MTR: variants seen among roughly 807,000 people sequenced by gnomAD.
MTR encodes the protein methionine synthase.
In MTR, 84 loss-of-function variants were observed where a neutral mutation model predicts 154.8. The ratio of observed to expected loss-of-function variants is 0.54; its 90% CI spans 0.45 to 0.65. The LOEUF is 0.65. Ranked by LOEUF, MTR falls within the 30% of genes least tolerant of loss-of-function variation. MTR has a pLI of 0.00. For synonymous variants in MTR, 554 were observed against 553.9 expected (o/e 1.00, Z 0.00); for missense variants, 1,275 against 1,570.2 (o/e 0.81, Z 3.18).
At chr1:236,891,001 A>G (rs1376694668) in intron 28 of MTR, 132 bp from the exon 29 acceptor site, 1 of 1,076,916 alleles carries the variant, frequency 9.3e-7, no homozygotes, top group Non-Finnish European at 1.4e-6. Context: ...AAACACCAGA[A>G]AGCATTTGAG....
At chr1:236,879,835 G>C (rs1311120417) in intron 24 of MTR, among the ~76,000 whole-genome samples, 2 of 152,056 alleles carry the variant, frequency 1.3e-5, no homozygotes, top group African/African-American at 4.8e-5. Context: ...TAGGGATGTG[G>C]GGCTGAACCA....
intron 14 of MTR, among the ~76,000 whole-genome samples, chr1:236,836,224 CTTGT>C (rs1413284167): frequency 1.3e-5 from 2 of 151,694 alleles, no homozygotes; most frequent in African/African-American, 4.8e-5. Flanking sequence ...AAAATCTTAC[CTTGT>C]TTTTCTGCCG....
At position 236,902,070 on chromosome 1, in the gene MTR, A is replaced by T. The variant is rs916947556; in HGVS notation, c.*4426A>T. On this transcript the variant is annotated 3_prime_UTR_variant, in exon 33 of 33. Coordinates refer to ENST00000366577, the MANE Select transcript of MTR (RefSeq NM_000254.3). Reference sequence around the variant, plus strand: ...TAGAGCTGGAAGAGTGGGCTCTCTGATTCTTTACACCCCCGCCTCAATCCT... The same window carrying T: ...TAGAGCTGGAAGAGTGGGCTCTCTGTTTCTTTACACCCCCGCCTCAATCCT... 1.3e-5 allele frequency: 2 copies of T among 152,066 alleles called. No individual in the cohort carries two copies. The highest frequency in any genetic ancestry group is 4.8e-5 in the African/African-American group (2 of 41,278). The allele number at this position is 152,066 out of a possible 1,614,324, so 9.4% of individuals were successfully genotyped here.
At chr1:236,853,239 G>A in intron 18 of MTR, 151 bp downstream of exon 18, 1 of 1,008,618 alleles carries the variant, frequency 9.9e-7, no homozygotes, top group Non-Finnish European at 1.5e-6. Context: ...TGCAGAGATG[G>A]TGGTGTAGCT....
At chr1:236,860,743 G>A (rs1344418270) in intron 19 of MTR, among the ~76,000 whole-genome samples, 1 of 152,126 alleles carries the variant, frequency 6.6e-6, no homozygotes, top group Non-Finnish European at 1.5e-5. Context: ...GTCCTTCTCT[G>A]TTAGCACATT....
At chr1:236,817,998 G>A (rs544175214) in intron 8 of MTR, among the ~76,000 whole-genome samples, 1 of 152,276 alleles carries the variant, frequency 6.6e-6, no homozygotes, top group East Asian at 1.9e-4. Flanking sequence ...CTGAGGGTAG[G>A]AAATGTAGAG....
chr1:236,887,817 G>T (rs1666104920), intron 27 of MTR, among the ~76,000 whole-genome samples: 1 of 152,206 alleles, frequency 6.6e-6, no homozygotes, highest in African/African-American at 2.4e-5. Flanking sequence ...GGCCCTGATG[G>T]TAACACCTCA....
chr1:236,889,113 C>G (rs972314823), intron 27 of MTR, 68 bp from the exon 28 acceptor site: 1 of 1,590,392 alleles, frequency 6.3e-7, no homozygotes, highest in African/African-American at 1.3e-5. Flanking sequence ...CAGTGAGGAG[C>G]TGGCAGGGAG....
chr1:236,808,193 G>T (rs949006335), intron 3 of MTR, among the ~76,000 whole-genome samples: 26 of 152,270 alleles, frequency 1.7e-4, no homozygotes, highest in Admixed American at 5.9e-4. Context: ...TGGTAAGAGG[G>T]TTCATAGTCC....
intron 2 of MTR, among the ~76,000 whole-genome samples, chr1:236,804,570 C>T (rs1660871313): frequency 6.6e-6 from 1 of 152,190 alleles, no homozygotes; most frequent in Non-Finnish European, 1.5e-5. Context: ...ACTTCATAAT[C>T]TATTCCATGT....
At chr1:236,805,925 A>G (rs1405292580) in intron 2 of MTR, among the ~76,000 whole-genome samples, 1 of 152,188 alleles carries the variant, frequency 6.6e-6, no homozygotes, top group Non-Finnish European at 1.5e-5. Flanking sequence ...GCATGTTAAC[A>G]TTGTCTGAAT....
rs763385094 is a variant in MTR, at chr1:236,838,433, C to A, written c.1349C>A (p.Ser450Tyr). The stretch of plus-strand genomic sequence containing the variant: ...TCTCAGGTACCTTTGTGCATCGACT[C>A]CTCCAATTTTGCTGTGATTGAAGCT... ...DIAKVPLCIDSSNFAVIEAGL... is the reference protein window; with the variant it reads ...DIAKVPLCIDYSNFAVIEAGL... The change falls in exon 15 of 33, where the codon TCC becomes TAC. Residue 450 changes from serine (S) to tyrosine (Y), a missense_variant. By Grantham distance (144) the Ser-to-Tyr change is moderately radical. Transcript: ENST00000366577. The A allele has an allele frequency of 8.8e-5, 142 of 1,613,968 alleles. No homozygotes were observed. The highest frequency in any genetic ancestry group is 1.2e-4 in the Non-Finnish European group (137 of 1,180,004).
chr1:236,874,597 T>TGG, intron 23 of MTR, 129 bp from the exon 24 acceptor site: 1 of 723,886 alleles, frequency 1.4e-6, no homozygotes, highest in South Asian at 1.9e-5. Context: ...AATTAGGAAT[T>TGG]GGGAATTCAT....
Position 236,795,332 on chromosome 1 carries a change from G to T in MTR, c.-372G>T, listed in dbSNP as rs899366931. 18 of 1,296,140 alleles carry T rather than the reference G, an allele frequency of 1.4e-5. No homozygotes were observed. Among genetic ancestry groups the T allele is most frequent in the Non-Finnish European group, 1.7e-5 (17 of 996,886 alleles). 80.3% of individuals were successfully genotyped at this position (1,296,140 alleles called of 1,614,324 possible). A position where few individuals can be genotyped will look rare whatever the true frequency, so the allele number is the denominator to read the frequency against. On this transcript the variant is annotated 5_prime_UTR_variant, in exon 1 of 33. Coordinates refer to ENST00000366577, the MANE Select transcript of MTR (RefSeq NM_000254.3). ...CTGAAAGGTTCTAAATGTCTGCGGG[G>T]CTCAGAGCCGGATGTCACGTCGTCC... is the stretch of plus-strand genomic sequence containing the variant.
intron 13 of MTR, among the ~76,000 whole-genome samples, chr1:236,834,703 C>T (rs1438659667): frequency 2.0e-5 from 3 of 151,910 alleles, no homozygotes; most frequent in Admixed American, 2.0e-4. Context: ...ATGAAGTGTA[C>T]AGTGAAAACT....
chr1:236,870,897 G>A (rs970889966), intron 22 of MTR, among the ~76,000 whole-genome samples: 5 of 152,052 alleles, frequency 3.3e-5, no homozygotes, highest in East Asian at 1.9e-4. Flanking sequence ...CAGATAACCC[G>A]CATGTAACCC....
At chr1:236,833,504 A>C (rs576780534) in intron 13 of MTR, among the ~76,000 whole-genome samples, 9 of 152,156 alleles carry the variant, frequency 5.9e-5, no homozygotes, top group Non-Finnish European at 1.0e-4. Flanking sequence ...TGACTTGCCT[A>C]TTGTTGTACA....
chr1:236,800,329 T>G, intron 1 of MTR: 1 of 985,474 alleles, frequency 1.0e-6, no homozygotes, highest in Admixed American at 6.1e-5. Context: ...ATATGAAATT[T>G]CATGTGCATG....
chr1:236,800,261 T>A (rs932733731), intron 1 of MTR: 1 of 985,296 alleles, frequency 1.0e-6, no homozygotes, highest in African/African-American at 1.7e-5. Context: ...AAGGACATAC[T>A]TCACTGTCTG....
Sources: gnomAD v4.1 joint callset for allele counts (sites outside exome capture counted in the v4.1 genomes callset) on GRCh38, gnomAD v4.1.1 for gene constraint, MANE v1.5 for transcripts, NCBI Gene and HGNC (gene_info 2026-07-23, HGNC 2026-07-21) for gene names.